The following PEAK1 variants were observed in gnomAD, a reference collection of about 807,000 sequenced individuals.
PEAK1 encodes the protein inactive tyrosine-protein kinase PEAK1.
PEAK1 carries 54 observed loss-of-function variants against 124.7 expected under a neutral mutation model. That is an observed-to-expected ratio of 0.43 (90% confidence interval 0.35 to 0.54). The LOEUF (loss-of-function observed/expected upper bound fraction) is 0.54. PEAK1 is among the 20% of genes least tolerant of loss of function. The pLI is 0.01. For synonymous variants in PEAK1, 719 were observed against 760.0 expected (o/e 0.95, Z 0.89); for missense variants, 2,046 against 2,134.5 (o/e 0.96, Z 0.82).
intron 7 of PEAK1, among the ~76,000 whole-genome samples, chr15:77,159,050 A>C (rs1042202320): frequency 1.2e-4 from 19 of 152,314 alleles, no homozygotes; most frequent in African/African-American, 4.6e-4. Context: ...TAAAGTATTT[A>C]CTATACTTAC....
rs572391298 is a variant in PEAK1 at position 77,275,388 on chromosome 15, G to A, written c.-275+8495C>T. Among the ~76,000 whole-genome samples the A allele has an allele frequency of 3.9e-4, 60 of 152,110 alleles. 1 individual carries two copies. Among genetic ancestry groups the A allele is most frequent in the Non-Finnish European group, 8.1e-4 (55 of 68,010 alleles). On this transcript the variant is annotated intron_variant, in intron 5 of 9. Coordinates refer to ENST00000682557, the MANE Select transcript of PEAK1 (RefSeq NM_001385026.1). ...TACAGTCAATCCTTAAACAACATGG[G>A]TTAAATCAAGTGGGTCCACTTATAC...
intron 8 of PEAK1, among the ~76,000 whole-genome samples, chr15:77,135,166 C>A (rs2053206324): frequency 6.6e-6 from 1 of 152,190 alleles, no homozygotes; most frequent in Non-Finnish European, 1.5e-5. Flanking sequence ...TTCTAAGCCA[C>A]CCATTTGTGG....
At chr15:77,271,793 A>C (rs1210646640) in intron 5 of PEAK1, among the ~76,000 whole-genome samples, 1 of 152,122 alleles carries the variant, frequency 6.6e-6, no homozygotes, top group Non-Finnish European at 1.5e-5. Context: ...GGGTGGGAGG[A>C]GCGGGGAGGG....
chr15:77,142,348 T>A (rs938808488), intron 8 of PEAK1, among the ~76,000 whole-genome samples: 1 of 152,216 alleles, frequency 6.6e-6, no homozygotes, highest in Non-Finnish European at 1.5e-5. Context: ...CAAATGCTTA[T>A]ACATTGCTAG....
chr15:77,267,085 C>T (rs576382723), intron 5 of PEAK1, among the ~76,000 whole-genome samples: 1 of 152,230 alleles, frequency 6.6e-6, no homozygotes, highest in East Asian at 1.9e-4. Flanking sequence ...TTCTCCACTT[C>T]CCTGGCAACC....
chr15:77,123,431 A>T (rs1246383966), intron 9 of PEAK1, among the ~76,000 whole-genome samples: 1 of 152,210 alleles, frequency 6.6e-6, no homozygotes, highest in Non-Finnish European at 1.5e-5. Context: ...ACACTGAGAC[A>T]CAGCAAGGTC....
downstream of PEAK1, chr15:77,103,954 TCTCA>T (rs1338220180): frequency 6.6e-6 from 1 of 152,436 alleles, no homozygotes; most frequent in African/African-American, 2.4e-5. Flanking sequence ...AGCGCTTTCT[TCTCA>T]CTCACACTCT....
intron 2 of PEAK1, among the ~76,000 whole-genome samples, chr15:77,301,585 T>C (rs964310852): frequency 1.3e-5 from 2 of 152,122 alleles, no homozygotes; most frequent in Non-Finnish European, 2.9e-5. Flanking sequence ...GGATAATGTG[T>C]TTTGGGGAGA....
chr15:77,299,472 T>C (rs1185172288), intron 2 of PEAK1, among the ~76,000 whole-genome samples: 1 of 152,218 alleles, frequency 6.6e-6, no homozygotes, highest in Non-Finnish European at 1.5e-5. Flanking sequence ...AATGATACAT[T>C]ACTAGCCTGT....
intron 9 of PEAK1, among the ~76,000 whole-genome samples, chr15:77,127,906 C>G (rs544694545): frequency 6.3e-4 from 96 of 151,954 alleles, no homozygotes; most frequent in African/African-American, 2.2e-3. Context: ...ATGGTGAAAC[C>G]CTGTCTCTAC....
chr15:77,128,925 T>G lies in PEAK1; in HGVS notation c.4077+4080A>C, dbSNP rs551813536. On this transcript the variant is annotated intron_variant, in intron 9 of 9. Transcript: ENST00000682557. ...TTTTGCATGCTATAAGGACAGATAT[T>G]CTGAGGCAGGATGGGTTAGAGGTAG... Among the ~76,000 whole-genome samples, 6 of 152,312 alleles carry G rather than the reference T, an allele frequency of 3.9e-5. No homozygotes were observed. In the East Asian group the frequency reaches 1.2e-3, roughly 29 times the overall value.
Position 77,114,297 on chromosome 15 carries a change from T to C in PEAK1, c.5100A>G (p.Thr1700=), listed in dbSNP as rs2051157311. Residue 1700 remains threonine, a synonymous_variant, in exon 10 of 10, where the codon ACA becomes ACG. Transcript: ENST00000682557. ...LLQNWLDIKR[T]LLMIKFAEKS... ...TCTCAGCAAACTTGATCATGAGCAG[T>C]GTTCGCTTGATGTCTAGCCAGTTTT... 6.2e-7 allele frequency: 1 copy of C among 1,614,046 alleles called. No individual in the cohort carries two copies. Among genetic ancestry groups the C allele is most frequent in the Non-Finnish European group, 8.5e-7 (1 of 1,180,026 alleles).
intron 9 of PEAK1, among the ~76,000 whole-genome samples, chr15:77,118,800 G>C (rs905113542): frequency 6.6e-6 from 1 of 152,146 alleles, no homozygotes; most frequent in African/African-American, 2.4e-5. Context: ...AACTGGAATG[G>C]TCCTACATCT....
At chr15:77,357,928 G>A (rs761698850) in intron 2 of PEAK1, among the ~76,000 whole-genome samples, 9 of 151,896 alleles carry the variant, frequency 5.9e-5, no homozygotes, top group Admixed American at 5.2e-4. Flanking sequence ...CTCAAATCCC[G>A]TATCTCAGTC....
chr15:77,399,032 C>A lies in PEAK1; in HGVS notation c.-666+20974G>T, dbSNP rs549172740. On this transcript the variant is annotated intron_variant, in intron 1 of 9. Coordinates refer to ENST00000682557, the MANE Select transcript of PEAK1 (RefSeq NM_001385026.1). ...ACAATAGCTACAAATAAATAAAATACCTAGGAATTAACTTAACCAAAGAAG... is the reference window on the plus strand; with the variant it reads ...ACAATAGCTACAAATAAATAAAATAACTAGGAATTAACTTAACCAAAGAAG... Among the ~76,000 whole-genome samples, 6 of 151,600 alleles carry A rather than the reference C, an allele frequency of 4.0e-5. No individual in the cohort carries two copies. The East Asian group carries it at 1.2e-3, about 29-fold the overall frequency.
rs957421752 is a variant in PEAK1 at position 77,112,964 on chromosome 15, A to G, written c.*1192T>C. 2.0e-5 allele frequency: 3 copies of G among 152,266 alleles called. No homozygotes were observed. The highest frequency in any genetic ancestry group is 2.0e-4 in the Admixed American group (3 of 15,290). 9.4% of individuals were successfully genotyped at this position (152,266 alleles called of 1,614,324 possible). ...TCCAGAGCCATTTTACAGAGTCAGA[A>G]GGAGCAATGAGCCACTTAAACACTG... On this transcript the variant is annotated 3_prime_UTR_variant, in exon 10 of 10. Coordinates refer to ENST00000682557, the MANE Select transcript of PEAK1 (RefSeq NM_001385026.1).
At position 77,180,536 on chromosome 15, in the gene PEAK1, A is replaced by G. The variant is rs1461116231; in HGVS notation, c.1391T>C (p.Val464Ala). The G allele has an allele frequency of 1.4e-5, 22 of 1,613,858 alleles. No individual in the cohort carries two copies. Among genetic ancestry groups the G allele is most frequent in the Middle Eastern group, 1.6e-4 (1 of 6,082 alleles). The change falls in exon 7 of 10, where the codon GTT becomes GCT. Residue 464 changes from valine (V) to alanine (A), a missense_variant. Physicochemically the swap from Val to Ala is moderately conservative, Grantham distance 64 (BLOSUM62 0). Transcript: ENST00000682557. The stretch of plus-strand genomic sequence containing the variant: ...GCACAATGGCTGTTCCAGGTTCACA[A>G]CTCGGTAAGGTTTTGCTTGCTCTTC... ...PTEEQAKPYR[V>A]VNLEQPLCKP...
intron 2 of PEAK1, among the ~76,000 whole-genome samples, chr15:77,297,684 G>A (rs778777402): frequency 6.7e-6 from 1 of 150,286 alleles, no homozygotes; most frequent in Non-Finnish European, 1.5e-5. Context: ...GTGTGAATCC[G>A]GGAGGCAGAG....
At chr15:77,182,170 T>A in intron 6 of PEAK1, 130 bp from the exon 7 acceptor site, 1 of 795,712 alleles carries the variant, frequency 1.3e-6, no homozygotes, top group Non-Finnish European at 1.7e-6. Context: ...AGAGCTAAAC[T>A]AATTTGTGTA....
Sources: allele counts gnomAD v4.1 joint callset (sites outside exome capture counted in the v4.1 genomes callset), GRCh38; gene constraint gnomAD v4.1.1; transcripts MANE v1.5; gene names NCBI Gene and HGNC (gene_info 2026-07-23, HGNC 2026-07-21).